ZNF131: variants seen among roughly 807,000 people sequenced by gnomAD.
ZNF131 encodes zinc finger and BTB domain containing 35.
Under a neutral mutation model 60.0 loss-of-function variants are expected in ZNF131, and 7 were observed. The ratio of observed to expected loss-of-function variants is 0.12; its 90% CI spans 0.07 to 0.22. The LOEUF is 0.22. ZNF131 is among the 10% of genes least tolerant of loss of function. ZNF131 has a pLI of 1.00. For missense variants in ZNF131, 493 were observed against 740.9 expected (o/e 0.67, Z 3.88); for synonymous variants, 257 against 253.2 (o/e 1.01, Z -0.14).
chr5:43,146,574 G>A (rs1319496983), intron 4 of ZNF131, among the ~76,000 whole-genome samples: 1 of 151,878 alleles, frequency 6.6e-6, no homozygotes, highest in Non-Finnish European at 1.5e-5. Flanking sequence ...CAGCCTGGGC[G>A]ACAGAGCGAG....
intron 5 of ZNF131, among the ~76,000 whole-genome samples, chr5:43,163,222 C>G (rs1297891377): frequency 6.6e-6 from 1 of 152,050 alleles, no homozygotes; most frequent in African/African-American, 2.4e-5. Context: ...TCGTGATCCG[C>G]TAGCCTCGGC....
At chr5:43,121,915 T>G in intron 1 of ZNF131, 124 bp from the exon 2 acceptor site, 1 of 1,114,372 alleles carries the variant, frequency 9.0e-7, no homozygotes, top group Non-Finnish European at 1.2e-6. Flanking sequence ...CTTTCTCTCC[T>G]CTTGCTTCAC....
At chr5:43,160,166 A>AAATCTTTCACTAACCAATGT (rs1749480149) in intron 4 of ZNF131, among the ~76,000 whole-genome samples, 1 of 148,126 alleles carries the variant, frequency 6.8e-6, no homozygotes, top group African/African-American at 2.5e-5. Context: ...ACAGAGCGAG[A>AAATCTTTCACTAACCAATGT]CTCCATCTCA....
At position 43,141,767 on chromosome 5, in the gene ZNF131, C is replaced by CAA. The variant is rs371036667; in HGVS notation, c.371+2471_371+2472dup. 5.7e-3 allele frequency among the ~76,000 whole-genome samples: 761 copies of CAA among 132,446 alleles called. 3 individuals are homozygous for CAA. The highest frequency in any genetic ancestry group is 0.016 in the African/African-American group (609 of 37,040). 86.9% of individuals were successfully genotyped at this position (132,446 alleles called of 152,430 possible). ...CCTGGGTGAGAATGAGACCCTGTCT[C>CAA]AAAAAAAAAAAAAACTGGAATTCCA... On this transcript the variant is annotated intron_variant, in intron 4 of 6. Transcript: ENST00000682664.
intron 4 of ZNF131, among the ~76,000 whole-genome samples, chr5:43,158,878 A>G (rs1278523750): frequency 6.6e-6 from 1 of 151,368 alleles, no homozygotes; most frequent in Admixed American, 6.6e-5. Flanking sequence ...CTTATTCTCA[A>G]TGCCAAAAAA....
intron 4 of ZNF131, among the ~76,000 whole-genome samples, chr5:43,142,600 G>T (rs1000758637): frequency 6.6e-6 from 1 of 151,890 alleles, no homozygotes; most frequent in Non-Finnish European, 1.5e-5. Flanking sequence ...CATGGCACCC[G>T]GCCAAAAATT....
chr5:43,140,524 C>G (rs942906867), intron 4 of ZNF131, among the ~76,000 whole-genome samples: 1 of 152,154 alleles, frequency 6.6e-6, no homozygotes, highest in African/African-American at 2.4e-5. Context: ...CTAAATGACT[C>G]TGAGTACTCT....
chr5:43,166,773 G>T (rs28659803), intron 5 of ZNF131, among the ~76,000 whole-genome samples: 2,615 of 152,126 alleles, frequency 0.017, 77 homozygotes, highest in African/African-American at 0.06. Context: ...CTCTGCCTCA[G>T]CCTCCCGAGT....
At chr5:43,157,522 A>C (rs1749110986) in intron 4 of ZNF131, among the ~76,000 whole-genome samples, 1 of 152,106 alleles carries the variant, frequency 6.6e-6, no homozygotes, top group Non-Finnish European at 1.5e-5. Flanking sequence ...TCTCTCCCAC[A>C]GAAGAGTTTG....
chr5:43,143,140 A>G (rs1015638146), intron 4 of ZNF131, among the ~76,000 whole-genome samples: 1 of 150,072 alleles, frequency 6.7e-6, no homozygotes, highest in African/African-American at 2.5e-5. Context: ...CCTTTGCCTC[A>G]ATCTCCCGAG....
intron 4 of ZNF131, among the ~76,000 whole-genome samples, chr5:43,155,372 A>T (rs958002685): frequency 6.6e-6 from 1 of 152,182 alleles, no homozygotes; most frequent in African/African-American, 2.4e-5. Flanking sequence ...CGCAACAGCA[A>T]ACTAATTTTC....
intron 4 of ZNF131, 149 bp from the exon 5 acceptor site, chr5:43,161,100 C>A: frequency 1.5e-6 from 1 of 676,572 alleles, no homozygotes; most frequent in African/African-American, 1.8e-5. Context: ...ATTACTGTAG[C>A]TTTAAGTCTT....
intron 4 of ZNF131, among the ~76,000 whole-genome samples, chr5:43,141,139 C>T (rs978477014): frequency 2.6e-5 from 4 of 152,230 alleles, no homozygotes; most frequent in South Asian, 2.1e-4. Context: ...CTGACAAGAG[C>T]TTGATACGTA....
chr5:43,155,007 G>A (rs900316114), intron 4 of ZNF131, among the ~76,000 whole-genome samples: 5 of 152,202 alleles, frequency 3.3e-5, no homozygotes, highest in Non-Finnish European at 7.3e-5. Context: ...TGCCCACTGA[G>A]CAGAATGACC....
intron 4 of ZNF131, among the ~76,000 whole-genome samples, chr5:43,148,229 A>C (rs1196936404): frequency 2.0e-5 from 3 of 151,942 alleles, no homozygotes; most frequent in African/African-American, 7.3e-5. Context: ...AAAAATTTTA[A>C]CTAGCTATGT....
chr5:43,157,400 GT>G (rs950385217), intron 4 of ZNF131, among the ~76,000 whole-genome samples: 1 of 152,056 alleles, frequency 6.6e-6, no homozygotes, highest in African/African-American at 2.4e-5. Flanking sequence ...GCATATTATT[GT>G]AACTTGTCTG....
intron 4 of ZNF131, among the ~76,000 whole-genome samples, chr5:43,147,777 G>A (rs919198192): frequency 7.9e-5 from 12 of 151,588 alleles, no homozygotes; most frequent in South Asian, 6.2e-4. Flanking sequence ...TTTTATGGCC[G>A]GGTGTGGTGG....
chr5:43,148,798 C>T (rs1747937920), intron 4 of ZNF131, among the ~76,000 whole-genome samples: 1 of 152,128 alleles, frequency 6.6e-6, no homozygotes, highest in Non-Finnish European at 1.5e-5. Context: ...AGTTTGATGA[C>T]TTTTAACATG....
At chr5:43,140,487 A>C (rs1339351576) in intron 4 of ZNF131, among the ~76,000 whole-genome samples, 3 of 152,252 alleles carry the variant, frequency 2.0e-5, no homozygotes, top group Admixed American at 6.5e-5. Context: ...GAATTAATGC[A>C]TGCAAAGTGT....
Sources: allele counts gnomAD v4.1 joint callset (sites outside exome capture counted in the v4.1 genomes callset), GRCh38; gene constraint gnomAD v4.1.1; transcripts MANE v1.5; gene names NCBI Gene and HGNC (gene_info 2026-07-23, HGNC 2026-07-21).